Variants in KCNQ3 observed in about 807,000 individuals in gnomAD.
KCNQ3 encodes potassium voltage-gated channel subfamily Q member 3.
Under a neutral mutation model 92.5 loss-of-function variants are expected in KCNQ3, and 30 were observed. The ratio of observed to expected loss-of-function variants is 0.32; its 90% CI spans 0.24 to 0.44. The LOEUF is 0.44. Ranked by LOEUF, KCNQ3 falls within the 20% of genes least tolerant of loss-of-function variation. The pLI, the probability that KCNQ3 is intolerant of heterozygous loss-of-function variation, is 1.00. For missense variants in KCNQ3, 913 were observed against 1,140.3 expected, an observed-to-expected ratio of 0.80 and a Z score of 2.87; for synonymous variants, 450 against 468.8, an observed-to-expected ratio of 0.96 and a Z score of 0.52.
intron 1 of KCNQ3, among the ~76,000 whole-genome samples, chr8:132,305,991 T>A (rs1476750474): frequency 2.6e-5 from 4 of 152,112 alleles, no homozygotes; most frequent in Non-Finnish European, 5.9e-5. Flanking sequence ...CTAAGCTCCC[T>A]TCCCTGGGCA....
chr8:132,468,201 C>T (rs1316298552), intron 1 of KCNQ3, among the ~76,000 whole-genome samples: 1 of 152,210 alleles, frequency 6.6e-6, no homozygotes, highest in Non-Finnish European at 1.5e-5. Flanking sequence ...ATAGCTGATA[C>T]ATGAGACAGC....
chr8:132,163,927 A>G (rs1033559313), intron 8 of KCNQ3, among the ~76,000 whole-genome samples: 1 of 152,196 alleles, frequency 6.6e-6, no homozygotes, highest in Admixed American at 6.5e-5. Flanking sequence ...ATTAATCCTC[A>G]TAACAACCCT....
intron 12 of KCNQ3, among the ~76,000 whole-genome samples, chr8:132,135,124 A>T (rs370830459): frequency 1.6e-3 from 251 of 152,284 alleles, no homozygotes; most frequent in African/African-American, 5.8e-3. Flanking sequence ...CTTTGTGTTC[A>T]TAAGTTCCTA....
intron 1 of KCNQ3, among the ~76,000 whole-genome samples, chr8:132,187,936 G>A (rs62519609): frequency 8.7e-5 from 12 of 137,194 alleles, no homozygotes; most frequent in Non-Finnish European, 1.6e-4. Context: ...GATAGTGATG[G>A]TGGTGGTGGT....
intron 1 of KCNQ3, among the ~76,000 whole-genome samples, chr8:132,378,851 T>C (rs1020297601): frequency 1.3e-5 from 2 of 152,264 alleles, no homozygotes; most frequent in East Asian, 1.9e-4. Flanking sequence ...CAAAAGAGAC[T>C]TCCAATAAGA....
At chr8:132,456,199 A>G (rs1821934672) in intron 1 of KCNQ3, among the ~76,000 whole-genome samples, 1 of 152,178 alleles carries the variant, frequency 6.6e-6, no homozygotes, top group African/African-American at 2.4e-5. Flanking sequence ...CTGAAACACA[A>G]GCCACATTTT....
chr8:132,330,842 C>G lies in KCNQ3; in HGVS notation c.387-144661G>C, dbSNP rs147909647. 3.6e-3 allele frequency among the ~76,000 whole-genome samples: 552 copies of G among 152,326 alleles called. 3 individuals carry two copies. The highest frequency in any genetic ancestry group is 0.012 in the African/African-American group (515 of 41,574). On this transcript the variant is annotated intron_variant, in intron 1 of 14. Transcript: ENST00000388996. ...GTTTTCCCAGGCCACACTGGGCAGT[C>G]TGTCAGTTGTTGTGTCCCAGAATTG...
chr8:132,197,638 C>A (rs1489045385), intron 1 of KCNQ3, among the ~76,000 whole-genome samples: 1 of 148,726 alleles, frequency 6.7e-6, no homozygotes, highest in Non-Finnish European at 1.5e-5. Context: ...CAAACCATGT[C>A]TCTGATATAT....
intron 2 of KCNQ3, 145 bp from the exon 3 acceptor site, chr8:132,184,512 G>A: frequency 2.6e-6 from 2 of 766,338 alleles, no homozygotes; most frequent in Non-Finnish European, 4.4e-6. Flanking sequence ...GGATGGGGGT[G>A]GGGAAGGGGA....
Position 132,479,628 on chromosome 8 carries a change from G to GACACACACAC in KCNQ3, c.386+509_386+518dup, listed in dbSNP as rs71306386. Among the ~76,000 whole-genome samples, 18 of 144,270 alleles carry GACACACACAC rather than the reference G, an allele frequency of 1.2e-4. No homozygotes were observed. In the South Asian group the frequency reaches 1.4e-3, roughly 11 times the overall value. The allele number at this position is 144,270 out of a possible 152,430, so 94.6% of individuals were successfully genotyped here. A position where few individuals can be genotyped will look rare whatever the true frequency, so the allele number is the denominator to read the frequency against. On this transcript the variant is annotated intron_variant, in intron 1 of 14. Coordinates refer to ENST00000388996, the MANE Select transcript of KCNQ3 (RefSeq NM_004519.4). ...GATCAGAAGGGTGGCACAAGCAAGC[G>GACACACACAC]ACACACACACACACACACACACACA...
intron 1 of KCNQ3, among the ~76,000 whole-genome samples, chr8:132,320,324 A>T (rs1215210554): frequency 1.3e-5 from 2 of 152,196 alleles, no homozygotes; most frequent in African/African-American, 4.8e-5. Flanking sequence ...GGTTGACACA[A>T]GAAATAACAG....
chr8:132,206,962 T>C (rs1267797928), intron 1 of KCNQ3, among the ~76,000 whole-genome samples: 3 of 152,170 alleles, frequency 2.0e-5, no homozygotes, highest in Non-Finnish European at 4.4e-5. Context: ...TAAACAGTCT[T>C]CCACTTAGTT....
At chr8:132,391,690 T>C (rs1409860661) in intron 1 of KCNQ3, among the ~76,000 whole-genome samples, 1 of 152,036 alleles carries the variant, frequency 6.6e-6, no homozygotes, top group African/African-American at 2.4e-5. Context: ...ATCTTCCCCC[T>C]CCCAACAGCA....
chr8:132,286,493 T>C (rs531404661), intron 1 of KCNQ3, among the ~76,000 whole-genome samples: 2 of 152,352 alleles, frequency 1.3e-5, no homozygotes, highest in Admixed American at 6.5e-5. Flanking sequence ...TGTTCTGCCA[T>C]TGTATTTTAG....
chr8:132,319,222 A>G (rs1386383150), intron 1 of KCNQ3, among the ~76,000 whole-genome samples: 2 of 152,296 alleles, frequency 1.3e-5, no homozygotes, highest in African/African-American at 4.8e-5. Context: ...TTGCACAGAT[A>G]AAATATTTTG....
In KCNQ3 at chr8:132,353,863, G is replaced by A. The variant is rs141511376; in HGVS notation, c.386+126284C>T. Among the ~76,000 whole-genome samples, 602 of 152,270 alleles carry A rather than the reference G, an allele frequency of 4.0e-3. 7 individuals are homozygous for A. The highest frequency in any genetic ancestry group is 0.02 in the Middle Eastern group (6 of 294). ...CAAACAAAAACTTTGGATTTTTGTA[G>A]CAACAAGATGAGGTCATAGGCAAGA... On this transcript the variant is annotated intron_variant, in intron 1 of 14. Coordinates refer to ENST00000388996, the MANE Select transcript of KCNQ3 (RefSeq NM_004519.4).
chr8:132,418,850 G>C (rs2130807786), intron 1 of KCNQ3, among the ~76,000 whole-genome samples: 1 of 152,202 alleles, frequency 6.6e-6, no homozygotes, highest in South Asian at 2.1e-4. Context: ...AGTGGTGTTG[G>C]GGTGTGGGCA....
chr8:132,336,104 A>G (rs1258114104), intron 1 of KCNQ3, among the ~76,000 whole-genome samples: 1 of 152,208 alleles, frequency 6.6e-6, no homozygotes, highest in Non-Finnish European at 1.5e-5. Context: ...CCCACACCTG[A>G]GCTGCCGTCC....
At chr8:132,373,240 G>C (rs1434009560) in intron 1 of KCNQ3, among the ~76,000 whole-genome samples, 1 of 135,864 alleles carries the variant, frequency 7.4e-6, no homozygotes, top group Admixed American at 7.2e-5. Flanking sequence ...ACCAGAGAGA[G>C]AGCCCTGGAG....
Sources: allele counts gnomAD v4.1 joint callset (sites outside exome capture counted in the v4.1 genomes callset), GRCh38; gene constraint gnomAD v4.1.1; transcripts MANE v1.5; gene names NCBI Gene and HGNC (gene_info 2026-07-23, HGNC 2026-07-21).